Variants in DPP10 observed in about 807,000 individuals in gnomAD.
DPP10 encodes inactive dipeptidyl peptidase 10.
DPP10 carries 33 observed loss-of-function variants against 120.9 expected under a neutral mutation model. That is an observed-to-expected ratio of 0.27 (90% CI 0.21 to 0.37). The LOEUF is 0.37. Ranked by LOEUF, DPP10 falls within the 10% of genes least tolerant of loss-of-function variation. The pLI, the probability that DPP10 is intolerant of heterozygous loss-of-function variation, is 1.00. For missense variants in DPP10, 816 were observed against 942.8 expected (o/e 0.87, Z 1.76); for synonymous variants, 337 against 326.1 (o/e 1.03, Z -0.36).
At chr2:115,234,002 GT>G (rs143680399) in intron 1 of DPP10, 13 of 512,978 alleles carry the variant, frequency 2.5e-5, no homozygotes, top group African/African-American at 2.5e-4. Context: ...AATGGAGGTA[GT>G]GGGGGAAATG....
At chr2:114,580,449 T>C (rs541550180) in intron 1 of DPP10, among the ~76,000 whole-genome samples, 3 of 152,296 alleles carry the variant, frequency 2.0e-5, no homozygotes, top group South Asian at 2.1e-4. Flanking sequence ...ATTTTCAACA[T>C]TTTACTCTAG....
At chr2:114,551,259 T>C (rs995200479) in intron 1 of DPP10, among the ~76,000 whole-genome samples, 3 of 152,194 alleles carry the variant, frequency 2.0e-5, no homozygotes, top group Admixed American at 6.5e-5. Flanking sequence ...TCCTAAAACA[T>C]ATTCTCAGTG....
chr2:115,148,720 A>T (rs2104884101), intron 1 of DPP10, among the ~76,000 whole-genome samples: 1 of 152,318 alleles, frequency 6.6e-6, no homozygotes, highest in East Asian at 1.9e-4. Flanking sequence ...AATGAAACAC[A>T]GATACAGCAA....
intron 5 of DPP10, among the ~76,000 whole-genome samples, chr2:115,686,314 C>T (rs141129620): frequency 2.0e-5 from 3 of 151,870 alleles, no homozygotes; most frequent in Non-Finnish European, 4.4e-5. Flanking sequence ...CTCATTCAAG[C>T]GTGAGTTATA....
At chr2:114,631,892 T>A (rs1694953123) in intron 1 of DPP10, among the ~76,000 whole-genome samples, 1 of 152,234 alleles carries the variant, frequency 6.6e-6, no homozygotes, top group South Asian at 2.1e-4. Context: ...TTAATTAGTA[T>A]CTAATCTGGT....
intron 1 of DPP10, among the ~76,000 whole-genome samples, chr2:115,068,714 A>C (rs952394966): frequency 1.3e-5 from 2 of 152,168 alleles, no homozygotes; most frequent in Non-Finnish European, 2.9e-5. Flanking sequence ...GTTACATTGA[A>C]GTCTTTAATC....
chr2:115,265,385 A>C (rs878986940), intron 1 of DPP10, among the ~76,000 whole-genome samples: 3 of 151,722 alleles, frequency 2.0e-5, no homozygotes, highest in African/African-American at 7.3e-5. Context: ...AGTTATTATT[A>C]GGCACTCTGA....
At chr2:115,476,618 G>A (rs906831409) in intron 3 of DPP10, among the ~76,000 whole-genome samples, 1 of 152,064 alleles carries the variant, frequency 6.6e-6, no homozygotes, top group Admixed American at 6.6e-5. Context: ...CAGCACCAAG[G>A]ATATGGCACT....
chr2:115,368,642 A>ATT (rs1409311135), intron 3 of DPP10, among the ~76,000 whole-genome samples: 1 of 152,008 alleles, frequency 6.6e-6, no homozygotes, highest in Non-Finnish European at 1.5e-5. Flanking sequence ...TTATTACTAG[A>ATT]TTAAAGTGTG....
chr2:115,807,670 G>A (rs898921951), intron 19 of DPP10, among the ~76,000 whole-genome samples: 2 of 149,662 alleles, frequency 1.3e-5, no homozygotes, highest in African/African-American at 2.5e-5. Flanking sequence ...CATGACATAA[G>A]GAAAACTATT....
At position 114,835,015 on chromosome 2, in the gene DPP10, A is replaced by ACATATCTACACACCTATGTACATATCAGC. The variant is rs1558792128; in HGVS notation, c.60+392198_60+392226dup. On this transcript the variant is annotated intron_variant, in intron 1 of 25. Transcript: ENST00000410059. ...ATCTACACACCTATGTATATAAAAG[A>ACATATCTACACACCTATGTACATATCAGC]CATATCTACACACCTATGTACATAT... is the stretch of plus-strand genomic sequence containing the variant. 2.3e-4 allele frequency among the ~76,000 whole-genome samples: 34 copies of ACATATCTACACACCTATGTACATATCAGC among 147,462 alleles called. 3 individuals carry two copies. Among genetic ancestry groups the ACATATCTACACACCTATGTACATATCAGC allele is most frequent in the African/African-American group, 7.5e-4 (29 of 38,634 alleles).
intron 1 of DPP10, among the ~76,000 whole-genome samples, chr2:114,686,169 C>A (rs951530007): frequency 6.6e-6 from 1 of 151,886 alleles, no homozygotes; most frequent in Non-Finnish European, 1.5e-5. Flanking sequence ...CTGATTATAG[C>A]CTCAGACTGA....
At chr2:115,502,538 T>C (rs2076733469) in intron 4 of DPP10, among the ~76,000 whole-genome samples, 3 of 152,186 alleles carry the variant, frequency 2.0e-5, no homozygotes, top group Admixed American at 6.6e-5. Flanking sequence ...GTACTCTTTC[T>C]GCTGTCAATA....
At chr2:115,075,219 G>A (rs78036817) in intron 1 of DPP10, among the ~76,000 whole-genome samples, 1 of 152,214 alleles carries the variant, frequency 6.6e-6, no homozygotes, top group African/African-American at 2.4e-5. Context: ...GCATAAAATA[G>A]CATAATCTAA....
chr2:114,671,215 CTT>C (rs1558989039), intron 1 of DPP10, among the ~76,000 whole-genome samples: 1 of 152,100 alleles, frequency 6.6e-6, no homozygotes, highest in Non-Finnish European at 1.5e-5. Context: ...AGACTAAAGA[CTT>C]AGGAGGCTAT....
At chr2:115,048,255 C>T (rs974321198) in intron 1 of DPP10, among the ~76,000 whole-genome samples, 2 of 151,908 alleles carry the variant, frequency 1.3e-5, no homozygotes. Flanking sequence ...AGCATGCCTA[C>T]CAGCGGCCAA....
At chr2:115,562,676 G>T (rs1033793953) in intron 5 of DPP10, among the ~76,000 whole-genome samples, 1 of 152,124 alleles carries the variant, frequency 6.6e-6, no homozygotes, top group Admixed American at 6.5e-5. Context: ...TCAAATCTGG[G>T]TTTTATTCAG....
chr2:115,287,943 A>G (rs1317803443), intron 1 of DPP10, among the ~76,000 whole-genome samples: 3 of 152,132 alleles, frequency 2.0e-5, no homozygotes, highest in Admixed American at 1.3e-4. Context: ...GATTGGTTCT[A>G]TATCTTTGCA....
At chr2:115,256,735 C>G (rs749872081) in intron 1 of DPP10, among the ~76,000 whole-genome samples, 2 of 152,152 alleles carry the variant, frequency 1.3e-5, no homozygotes, top group Non-Finnish European at 2.9e-5. Flanking sequence ...TGGATTCTTC[C>G]CCTGAAAATT....
Sources: gnomAD v4.1 joint callset for allele counts (sites outside exome capture counted in the v4.1 genomes callset) on GRCh38, gnomAD v4.1.1 for gene constraint, MANE v1.5 for transcripts, NCBI Gene and HGNC (gene_info 2026-07-23, HGNC 2026-07-21) for gene names.